DAAM1: variants seen among roughly 807,000 people sequenced by gnomAD.
DAAM1 encodes the protein dishevelled associated activator of morphogenesis 1.
Under a neutral mutation model 130.0 loss-of-function variants are expected in DAAM1, and 52 were observed. That is an observed-to-expected ratio of 0.40 (90% CI 0.32 to 0.50). The LOEUF is 0.50. DAAM1 is among the 20% of genes least tolerant of loss of function. DAAM1 has a pLI of 0.61. For synonymous variants in DAAM1, 452 were observed against 444.5 expected (o/e 1.02, Z -0.21); for missense variants, 1,134 against 1,303.8 (o/e 0.87, Z 2.01).
At chr14:59,284,934 C>T (rs542482953) in intron 2 of DAAM1, among the ~76,000 whole-genome samples, 17 of 152,186 alleles carry the variant, frequency 1.1e-4, no homozygotes, top group African/African-American at 2.4e-4. Flanking sequence ...GAGGGGTTGA[C>T]GTGCAAATTC....
chr14:59,209,287 A>G (rs1265525927), intron 1 of DAAM1, among the ~76,000 whole-genome samples: 5 of 152,204 alleles, frequency 3.3e-5, no homozygotes, highest in African/African-American at 7.2e-5. Context: ...GAACCTTATG[A>G]TTCTTCAGTT....
intron 1 of DAAM1, among the ~76,000 whole-genome samples, chr14:59,199,105 C>T (rs1444383249): frequency 6.6e-6 from 1 of 152,170 alleles, no homozygotes; most frequent in Non-Finnish European, 1.5e-5. Context: ...CCTGCCTTGG[C>T]ATGGTGTCCT....
chr14:59,193,708 C>T (rs566294998), intron 1 of DAAM1, among the ~76,000 whole-genome samples: 87 of 152,128 alleles, frequency 5.7e-4, no homozygotes, highest in Non-Finnish European at 1.1e-3. Context: ...GATGTTTAAG[C>T]GTTCCTGGTT....
intron 3 of DAAM1, among the ~76,000 whole-genome samples, chr14:59,297,694 CAAAG>C (rs760391992): frequency 2.6e-5 from 4 of 152,162 alleles, no homozygotes; most frequent in East Asian, 1.9e-4. Context: ...GATATTTTGA[CAAAG>C]AGAGAGACCG....
At chr14:59,310,498 T>C (rs1045169629) in intron 3 of DAAM1, among the ~76,000 whole-genome samples, 3 of 152,150 alleles carry the variant, frequency 2.0e-5, no homozygotes, top group African/African-American at 7.2e-5. Flanking sequence ...ATTTTTTCAT[T>C]CTATATATGA....
Position 59,188,692 on chromosome 14 carries a change from G to C in DAAM1, c.-114G>C, listed in dbSNP as rs555090677. The C allele has an allele frequency of 3.9e-5, 6 of 153,040 alleles. No homozygotes were observed. The highest frequency in any genetic ancestry group is 1.4e-4 in the African/African-American group (6 of 41,588). The allele number at this position is 153,040 out of a possible 1,614,324, so 9.5% of individuals were successfully genotyped here. On this transcript the variant is annotated 5_prime_UTR_variant, in exon 1 of 25. Coordinates refer to ENST00000360909, the MANE Select transcript of DAAM1 (RefSeq NM_001270520.2). ...GCGAGTTAGTAACCTACGAGCGGCT[G>C]TGAAGGAAACTGTTTAACCGGATCC...
At position 59,330,486 on chromosome 14, in the gene DAAM1, T is replaced by G. The variant is rs377685397; in HGVS notation, c.1373-15T>G. 73 of 1,567,278 alleles carry G rather than the reference T, an allele frequency of 4.7e-5. No individual in the cohort carries two copies. The highest frequency in any genetic ancestry group is 3.4e-4 in the Middle Eastern group (2 of 5,826). On this transcript the variant is annotated splice_polypyrimidine_tract_variant and intron_variant, in intron 12 of 24. Coordinates refer to ENST00000360909, the MANE Select transcript of DAAM1 (RefSeq NM_001270520.2). The stretch of plus-strand genomic sequence containing the variant: ...AGACTCTCCTGTTTTCATGTCCAAT[T>G]GTTTTCTCGTGTAGAGCACAATGAG...
At chr14:59,302,602 G>T (rs879440795) in intron 3 of DAAM1, among the ~76,000 whole-genome samples, 1 of 152,126 alleles carries the variant, frequency 6.6e-6, no homozygotes, top group Non-Finnish European at 1.5e-5. Context: ...GAGGACAGTG[G>T]TTCTCGACTC....
chr14:59,321,076 G>C (rs1036999948), intron 5 of DAAM1, among the ~76,000 whole-genome samples: 1 of 152,176 alleles, frequency 6.6e-6, no homozygotes, highest in African/African-American at 2.4e-5. Context: ...ATCAGCTGAT[G>C]AATGGATAAA....
intron 1 of DAAM1, among the ~76,000 whole-genome samples, chr14:59,202,289 A>G (rs1002527388): frequency 6.6e-6 from 1 of 151,906 alleles, no homozygotes; most frequent in Non-Finnish European, 1.5e-5. Context: ...ACTACATCTC[A>G]TGGAGGACCT....
chr14:59,283,780 T>C (rs1218318335), intron 2 of DAAM1, among the ~76,000 whole-genome samples: 1 of 152,142 alleles, frequency 6.6e-6, no homozygotes, highest in African/African-American at 2.4e-5. Context: ...GGTGTGGGTG[T>C]TAACAAGATA....
At chr14:59,351,818 C>T (rs553707348) in intron 17 of DAAM1, among the ~76,000 whole-genome samples, 3 of 151,744 alleles carry the variant, frequency 2.0e-5, no homozygotes, top group African/African-American at 4.8e-5. Flanking sequence ...GTCTTGCATA[C>T]ACATCCAAAA....
chr14:59,234,117 C>T (rs1051527219), intron 1 of DAAM1, among the ~76,000 whole-genome samples: 2 of 152,140 alleles, frequency 1.3e-5, no homozygotes, highest in South Asian at 2.1e-4. Flanking sequence ...TGTGTGGGCC[C>T]TTTTTTGGTT....
rs1240011389 is a variant in DAAM1, at chr14:59,370,010, A to AAAAT, written c.*1155_*1158dup. On this transcript the variant is annotated 3_prime_UTR_variant, in exon 25 of 25. Coordinates refer to ENST00000360909, the MANE Select transcript of DAAM1 (RefSeq NM_001270520.2). ...GCTACCTGTAAAATTTCAGTCCAAA[A>AAAAT]AAATAAAGCTCTCAGGGAGACATGA... is the stretch of plus-strand genomic sequence containing the variant. 1 of 151,892 alleles carries AAAAT rather than the reference A, an allele frequency of 6.6e-6. No individual in the cohort carries two copies. Among genetic ancestry groups the AAAAT allele is most frequent in the African/African-American group, 2.4e-5 (1 of 41,402 alleles). The allele number at this position is 151,892 out of a possible 1,614,324, so 9.4% of individuals were successfully genotyped here. A position where few individuals can be genotyped will look rare whatever the true frequency, so the allele number is the denominator to read the frequency against.
intron 1 of DAAM1, among the ~76,000 whole-genome samples, chr14:59,193,558 A>G (rs1172893362): frequency 3.9e-5 from 6 of 152,220 alleles, no homozygotes; most frequent in Non-Finnish European, 7.3e-5. Context: ...GTTTGCATAC[A>G]TAGAACATGT....
At chr14:59,240,836 C>T (rs887180842) in intron 1 of DAAM1, among the ~76,000 whole-genome samples, 7 of 152,222 alleles carry the variant, frequency 4.6e-5, no homozygotes, top group African/African-American at 1.7e-4. Context: ...TGCCATGTGT[C>T]CATCTCTGGA....
chr14:59,205,409 T>C lies in DAAM1; in HGVS notation c.-38+16641T>C, dbSNP rs569428145. On this transcript the variant is annotated intron_variant, in intron 1 of 24. Coordinates refer to ENST00000360909, the MANE Select transcript of DAAM1 (RefSeq NM_001270520.2). Reference sequence around the variant, plus strand: ...AGTTAAAGTTCTTACAGAAAATAGATAACATTTAAAAATATTAAGTGATGT... The same window carrying C: ...AGTTAAAGTTCTTACAGAAAATAGACAACATTTAAAAATATTAAGTGATGT... 3.3e-4 allele frequency among the ~76,000 whole-genome samples: 51 copies of C among 152,354 alleles called. 2 individuals carry two copies. The South Asian group carries it at 0.01, about 30-fold the overall frequency.
At chr14:59,350,628 A>G (rs1215142783) in intron 17 of DAAM1, among the ~76,000 whole-genome samples, 3 of 151,910 alleles carry the variant, frequency 2.0e-5, no homozygotes, top group Non-Finnish European at 4.4e-5. Context: ...AGCTCTTCTC[A>G]GGGGCACTTG....
At chr14:59,210,334 A>C (rs148721092) in intron 1 of DAAM1, among the ~76,000 whole-genome samples, 275 of 152,284 alleles carry the variant, frequency 1.8e-3, no homozygotes, top group Middle Eastern at 6.8e-3. Flanking sequence ...GCATTTTAAA[A>C]ATTTATTAAA....
Sources: allele counts gnomAD v4.1 joint callset (sites outside exome capture counted in the v4.1 genomes callset), GRCh38; gene constraint gnomAD v4.1.1; transcripts MANE v1.5; gene names NCBI Gene and HGNC (gene_info 2026-07-23, HGNC 2026-07-21).